FOCAD: variants seen among roughly 807,000 people sequenced by gnomAD.
FOCAD encodes KIAA1797.
FOCAD carries 198 observed loss-of-function variants against 225.6 expected under a neutral mutation model. That is an observed-to-expected ratio of 0.88 (90% CI 0.78 to 0.99). The LOEUF is 0.99. Among genes scored for constraint, FOCAD ranks in the 50% least tolerant of loss-of-function variants. The pLI, the probability that FOCAD is intolerant of heterozygous loss-of-function variation, is 0.00. For synonymous variants in FOCAD, 897 were observed against 755.0 expected, an observed-to-expected ratio of 1.19 and a Z score of -3.08; for missense variants, 2,713 against 2,123.6, an observed-to-expected ratio of 1.28 and a Z score of -5.46.
At chr9:20,812,036 A>G (rs1012224735) in intron 11 of FOCAD, among the ~76,000 whole-genome samples, 2 of 152,108 alleles carry the variant, frequency 1.3e-5, no homozygotes, top group Non-Finnish European at 2.9e-5. Context: ...ATTTTTCCTC[A>G]GGACAAGGGC....
At chr9:20,668,425 AC>A (rs1206661942) in intron 2 of FOCAD, among the ~76,000 whole-genome samples, 1 of 152,226 alleles carries the variant, frequency 6.6e-6, no homozygotes, top group Non-Finnish European at 1.5e-5. Flanking sequence ...GCATTATTAT[AC>A]TGTGCAATAA....
intron 10 of FOCAD, among the ~76,000 whole-genome samples, chr9:20,785,505 A>G (rs373547460): frequency 6.6e-6 from 1 of 152,082 alleles, no homozygotes; most frequent in Non-Finnish European, 1.5e-5. Flanking sequence ...ATCATACAAT[A>G]TGTGGTCCTT....
intron 21 of FOCAD, among the ~76,000 whole-genome samples, chr9:20,886,719 TA>T (rs1831130451): frequency 6.6e-6 from 1 of 152,272 alleles, no homozygotes; most frequent in South Asian, 2.1e-4. Context: ...GCCAAATGTA[TA>T]GTAGGATTTT....
intron 2 of FOCAD, among the ~76,000 whole-genome samples, chr9:20,669,104 T>A (rs1414765187): frequency 6.6e-6 from 1 of 152,196 alleles, no homozygotes; most frequent in South Asian, 2.1e-4. Flanking sequence ...TTCTTCCTTC[T>A]TGGGGGCCTT....
Position 20,771,538 on chromosome 9 carries a change from T to C in FOCAD, c.906+1300T>C, listed in dbSNP as rs193095534. Among the ~76,000 whole-genome samples the C allele has an allele frequency of 4.0e-3, 601 of 151,680 alleles. 2 individuals carry two copies. Among genetic ancestry groups the C allele is most frequent in the African/African-American group, 0.014 (569 of 41,524 alleles). On this transcript the variant is annotated intron_variant, in intron 8 of 43. Coordinates refer to ENST00000338382, the MANE Select transcript of FOCAD (RefSeq NM_001375567.1). ...CTTTGGGAGGCCGAGGCAGGCAGAT[T>C]ATGTGAGGCCAGGAGTTCGAGAGCA... is the stretch of plus-strand genomic sequence containing the variant.
chr9:20,810,982 A>G (rs769181067), intron 11 of FOCAD, among the ~76,000 whole-genome samples: 6 of 152,016 alleles, frequency 3.9e-5, no homozygotes, highest in Non-Finnish European at 7.4e-5. Flanking sequence ...AGTAACCTTT[A>G]TTGGATGGGC....
intron 1 of FOCAD, among the ~76,000 whole-genome samples, chr9:20,714,814 A>G (rs948491325): frequency 2.6e-5 from 4 of 152,178 alleles, no homozygotes; most frequent in African/African-American, 4.8e-5. Flanking sequence ...TTTAGGAAAC[A>G]GTCTGTTTTA....
chr9:20,951,759 A>G (rs1837707844), intron 34 of FOCAD, among the ~76,000 whole-genome samples: 1 of 152,156 alleles, frequency 6.6e-6, no homozygotes, highest in Non-Finnish European at 1.5e-5. Context: ...GTGCATTTGT[A>G]CTTGGAGATT....
intron 11 of FOCAD, among the ~76,000 whole-genome samples, chr9:20,796,089 T>A (rs1349387857): frequency 1.3e-5 from 2 of 152,038 alleles, no homozygotes; most frequent in Non-Finnish European, 2.9e-5. Flanking sequence ...CTTGCGATAG[T>A]TTGCTGAGAA....
At chr9:20,786,267 T>C (rs548995611) in intron 10 of FOCAD, among the ~76,000 whole-genome samples, 35 of 152,284 alleles carry the variant, frequency 2.3e-4, no homozygotes, top group African/African-American at 8.4e-4. Flanking sequence ...TAATAGTAAA[T>C]TGAAATAAAC....
At chr9:20,953,293 T>C (rs1837849708) in intron 35 of FOCAD, among the ~76,000 whole-genome samples, 1 of 152,234 alleles carries the variant, frequency 6.6e-6, no homozygotes, top group Non-Finnish European at 1.5e-5. Context: ...TCTCCGACCA[T>C]GGGTGGCTCT....
chr9:20,752,143 G>A (rs1311655104), intron 5 of FOCAD, among the ~76,000 whole-genome samples: 1 of 150,294 alleles, frequency 6.7e-6, no homozygotes, highest in African/African-American at 2.5e-5. Context: ...CTTTTGCTGT[G>A]CAGAAGCTCT....
intron 8 of FOCAD, among the ~76,000 whole-genome samples, chr9:20,775,058 G>A (rs569203905): frequency 2.0e-5 from 3 of 152,236 alleles, no homozygotes; most frequent in South Asian, 2.1e-4. Context: ...TTTCTGTATC[G>A]CTGGGTTTAT....
At chr9:20,810,181 G>A (rs1284852072) in intron 11 of FOCAD, among the ~76,000 whole-genome samples, 1 of 152,156 alleles carries the variant, frequency 6.6e-6, no homozygotes, top group Non-Finnish European at 1.5e-5. Context: ...CACACAGGGT[G>A]TACTGAATTC....
intron 5 of FOCAD, among the ~76,000 whole-genome samples, chr9:20,751,878 T>G (rs1828584335): frequency 6.9e-6 from 1 of 144,414 alleles, no homozygotes; most frequent in Admixed American, 7.0e-5. Context: ...TATCTCATTG[T>G]GGTTTTGATT....
intron 10 of FOCAD, chr9:20,787,019 A>G: frequency 2.2e-6 from 1 of 451,084 alleles, no homozygotes; most frequent in South Asian, 1.7e-5. Context: ...TTGCCCTGGG[A>G]CTGTGCCAGT....
intron 12 of FOCAD, 152 bp from the exon 13 acceptor site, chr9:20,820,150 TTGTTATCTAGCCCCTCCAACGC>T: frequency 1.8e-6 from 1 of 549,892 alleles, no homozygotes; most frequent in Non-Finnish European, 3.2e-6. Flanking sequence ...GTCCCCAGGA[TTGTTATCTAGCCCCTCCAACGC>T]TATTTTTCAT....
intron 20 of FOCAD, among the ~76,000 whole-genome samples, chr9:20,884,026 A>G (rs560420612): frequency 1.3e-5 from 2 of 152,318 alleles, no homozygotes; most frequent in South Asian, 4.1e-4. Context: ...GAATACAGGA[A>G]TGAGGGAAAG....
intron 21 of FOCAD, among the ~76,000 whole-genome samples, chr9:20,885,829 T>C (rs2131865853): frequency 6.6e-6 from 1 of 152,236 alleles, no homozygotes; most frequent in African/African-American, 2.4e-5. Context: ...TTATCACACT[T>C]ACTCATATGA....
Sources: allele counts gnomAD v4.1 joint callset (sites outside exome capture counted in the v4.1 genomes callset), GRCh38; gene constraint gnomAD v4.1.1; transcripts MANE v1.5; gene names NCBI Gene and HGNC (gene_info 2026-07-23, HGNC 2026-07-21).